The following RIMS3 variants were observed in gnomAD, a reference collection of about 807,000 sequenced individuals.
RIMS3 encodes the protein regulating synaptic membrane exocytosis protein 3.
A neutral mutation model predicts 29.2 loss-of-function variants in RIMS3; 15 were observed. That is an observed-to-expected ratio of 0.51 (90% CI 0.34 to 0.79). The LOEUF (loss-of-function observed/expected upper bound fraction) is 0.79. RIMS3 is among the 30% of genes least tolerant of loss of function. RIMS3 has a pLI of 0.01. For missense variants in RIMS3, 342 were observed against 421.4 expected (o/e 0.81, Z 1.65); for synonymous variants, 161 against 170.1 (o/e 0.95, Z 0.41).
intron 1 of RIMS3, among the ~76,000 whole-genome samples, chr1:40,659,783 C>T (rs12139249): frequency 0.25 from 37,303 of 151,960 alleles, 5,453 homozygotes; most frequent in East Asian, 0.34. Flanking sequence ...CAAGAGGGGG[C>T]GTGCATTCCA....
At position 40,626,394 on chromosome 1, in the gene RIMS3, G is replaced by C. The variant is rs949085254; in HGVS notation, c.*123C>G. 14 of 914,850 alleles carry C rather than the reference G, an allele frequency of 1.5e-5. No homozygotes were observed. In the African/African-American group the frequency reaches 2.3e-4, roughly 15 times the overall value. 56.7% of individuals were successfully genotyped at this position (914,850 alleles called of 1,614,324 possible). A position where few individuals can be genotyped will look rare whatever the true frequency, so the allele number is the denominator to read the frequency against. ...TCCACTGCCAGCTGGGATGAGCCCA[G>C]TAGCCAACAGGCATGCAGCAGGACA... On this transcript the variant is annotated 3_prime_UTR_variant, in exon 8 of 8. Coordinates refer to ENST00000372684, the MANE Select transcript of RIMS3 (RefSeq NM_014747.3).
chr1:40,632,870 T>C lies in RIMS3; in HGVS notation c.472+199A>G, dbSNP rs796740463. Among the ~76,000 whole-genome samples the C allele has an allele frequency of 3.3e-5, 5 of 152,184 alleles. No individual in the cohort carries two copies. In the South Asian group the frequency reaches 1.0e-3, roughly 32 times the overall value. ...AGCTCAGTAAAGTATTGTTAGAGCA[T>C]AGAACTCAAGTGGGTATTATTATTC... On this transcript the variant is annotated intron_variant, in intron 5 of 7. Coordinates refer to ENST00000372684, the MANE Select transcript of RIMS3 (RefSeq NM_014747.3).
chr1:40,664,752 G>A (rs4332353), intron 1 of RIMS3, among the ~76,000 whole-genome samples: 47,358 of 151,922 alleles, frequency 0.31, 7,653 homozygotes, highest in African/African-American at 0.37. Context: ...CAGGTACCCA[G>A]GCGGCCAGTC....
chr1:40,630,559 AC>A (rs966975376), intron 5 of RIMS3, among the ~76,000 whole-genome samples: 17 of 152,136 alleles, frequency 1.1e-4, no homozygotes, highest in African/African-American at 4.1e-4. Context: ...ATTTCAAGAG[AC>A]CTCCTGGAAT....
intron 5 of RIMS3, among the ~76,000 whole-genome samples, chr1:40,629,581 G>T (rs1178549881): frequency 4.6e-5 from 7 of 152,154 alleles, no homozygotes; most frequent in African/African-American, 1.7e-4. Context: ...GGTGGGTTGG[G>T]GTAGGGGCAT....
rs1557658257 is a variant in RIMS3 at position 40,621,239 on chromosome 1, A to ACTC, written c.*5277_*5278insGAG. 1 of 152,238 alleles carries ACTC rather than the reference A, an allele frequency of 6.6e-6. No homozygotes were observed. Among genetic ancestry groups the ACTC allele is most frequent in the African/African-American group, 2.4e-5 (1 of 41,438 alleles). The allele number at this position is 152,238 out of a possible 1,614,324, so 9.4% of individuals were successfully genotyped here. A position where few individuals can be genotyped will look rare whatever the true frequency, so the allele number is the denominator to read the frequency against. On this transcript the variant is annotated 3_prime_UTR_variant, in exon 8 of 8. Transcript: ENST00000372684. Reference sequence around the variant, plus strand: ...ATCCCAGAAGCAGAAATGAGGAAAGACCCAGCCTCATCTGCTGTTGGGGAC... The same window carrying ACTC: ...ATCCCAGAAGCAGAAATGAGGAAAGACTCCCCAGCCTCATCTGCTGTTGGGGAC...
chr1:40,657,226 C>T (rs1313816582), intron 1 of RIMS3, among the ~76,000 whole-genome samples: 1 of 152,160 alleles, frequency 6.6e-6, no homozygotes, highest in Admixed American at 6.5e-5. Flanking sequence ...GACTTGACGT[C>T]CACCCAGACA....
Position 40,642,242 on chromosome 1 carries a change from C to T in RIMS3, c.-31-286G>A, listed in dbSNP as rs1042622141. On this transcript the variant is annotated intron_variant, in intron 2 of 7. Transcript: ENST00000372684. Reference sequence around the variant, plus strand: ...CGGGCTTGAATTCCAAAGGCCTCTACACACTAGCTGCGTGGACTTGTGACC... The same window carrying T: ...CGGGCTTGAATTCCAAAGGCCTCTATACACTAGCTGCGTGGACTTGTGACC... Among the ~76,000 whole-genome samples the T allele has an allele frequency of 2.0e-5, 3 of 152,212 alleles. No individual in the cohort carries two copies. The East Asian group carries it at 5.8e-4, about 29-fold the overall frequency.
the RIMS3 span, among the ~76,000 whole-genome samples, chr1:40,689,384 C>A: frequency 2.0e-5 from 3 of 152,172 alleles, no homozygotes; most frequent in Non-Finnish European, 4.4e-5. Context: ...CTGGTTAAAG[C>A]AATTCTCCTG....
chr1:40,653,365 C>T (rs1054979183), intron 1 of RIMS3, among the ~76,000 whole-genome samples: 3 of 152,086 alleles, frequency 2.0e-5, no homozygotes, highest in Non-Finnish European at 2.9e-5. Flanking sequence ...GAGGAACTCA[C>T]AGAAGATGCC....
chr1:40,628,419 G>A (rs970370898), intron 7 of RIMS3, among the ~76,000 whole-genome samples: 6 of 152,232 alleles, frequency 3.9e-5, no homozygotes, highest in African/African-American at 7.2e-5. Flanking sequence ...CTCGGTTTCC[G>A]TAAAGTGAAG....
the RIMS3 span, among the ~76,000 whole-genome samples, chr1:40,674,244 C>G: frequency 6.6e-6 from 1 of 152,148 alleles, no homozygotes. Flanking sequence ...AAAGAAATGA[C>G]AATTTCATGG....
In RIMS3 at chr1:40,641,901, C is replaced by G. The variant is rs1646560451; in HGVS notation, c.25G>C (p.Ala9Pro). ...ACATTCCTGGAGGCCCCAGATGAGG[C>G]AGGACCTGGCTCCCCGTTAAACATG... MFNGEPGP[A>P]SSGASRNVVR... Residue 9 changes from alanine (A) to proline (P), a missense_variant, in exon 3 of 8, where the codon GCC (alanine) becomes CCC (proline). Coordinates refer to ENST00000372684, the MANE Select transcript of RIMS3 (RefSeq NM_014747.3). 6.2e-7 allele frequency: 1 copy of G among 1,613,614 alleles called. No individual in the cohort carries two copies. The highest frequency in any genetic ancestry group is 1.3e-5 in the African/African-American group (1 of 74,932).
chr1:40,661,900 A>G (rs1358927874), intron 1 of RIMS3, among the ~76,000 whole-genome samples: 4 of 152,200 alleles, frequency 2.6e-5, no homozygotes, highest in African/African-American at 9.6e-5. Context: ...TTTGTCAACA[A>G]GGCCACGATA....
intron 6 of RIMS3, 68 bp downstream of exon 6, chr1:40,629,203 G>T: frequency 7.4e-7 from 1 of 1,352,084 alleles, no homozygotes; most frequent in Non-Finnish European, 1.1e-6. Context: ...GGGAGCTGAG[G>T]ACCTGCTAGA....
the RIMS3 span, chr1:40,691,601 C>G: frequency 2.7e-6 from 1 of 364,018 alleles, no homozygotes; most frequent in Non-Finnish European, 5.6e-6. Flanking sequence ...TGTCGTCGCC[C>G]CTTCCCAATT....
intron 1 of RIMS3, among the ~76,000 whole-genome samples, chr1:40,653,231 A>G (rs577677225): frequency 3.3e-5 from 5 of 152,254 alleles, no homozygotes; most frequent in African/African-American, 9.6e-5. Context: ...GGGGTGTGGA[A>G]AGGAAGGAGA....
At chr1:40,684,551 T>C in the RIMS3 span, among the ~76,000 whole-genome samples, 5 of 152,314 alleles carry the variant, frequency 3.3e-5, no homozygotes, top group East Asian at 3.9e-4. Context: ...TAAAGCTTTA[T>C]ATGAGGGGCA....
intron 1 of RIMS3, among the ~76,000 whole-genome samples, chr1:40,660,509 C>T (rs987274270): frequency 6.6e-5 from 10 of 152,002 alleles, no homozygotes; most frequent in African/African-American, 1.4e-4. Context: ...CCCCAAGCAG[C>T]TGGGAATACA....
Sources: gnomAD v4.1 joint callset for allele counts (sites outside exome capture counted in the v4.1 genomes callset) on GRCh38, gnomAD v4.1.1 for gene constraint, MANE v1.5 for transcripts, NCBI Gene and HGNC (gene_info 2026-07-23, HGNC 2026-07-21) for gene names.